PLCG2: variants seen among roughly 807,000 people sequenced by gnomAD.
PLCG2 encodes the protein 1-phosphatidylinositol 4,5-bisphosphate phosphodiesterase gamma-2.
A neutral mutation model predicts 175.6 loss-of-function variants in PLCG2; 69 were observed. That is an observed-to-expected ratio of 0.39 (90% CI 0.32 to 0.48). The LOEUF (loss-of-function observed/expected upper bound fraction) is 0.48, where lower values mean the gene tolerates loss of function less well. Among genes scored for constraint, PLCG2 ranks in the 20% least tolerant of loss-of-function variants. The pLI is 0.91. For missense variants in PLCG2, 1,798 were observed against 1,650.9 expected (o/e 1.09, Z -1.54); for synonymous variants, 827 against 624.0 (o/e 1.33, Z -4.85).
intron 5 of PLCG2, among the ~76,000 whole-genome samples, chr16:81,860,226 A>G (rs1219143992): frequency 6.8e-6 from 1 of 147,492 alleles, no homozygotes; most frequent in Non-Finnish European, 1.5e-5. Context: ...TTTTTTAAAA[A>G]AAGCAAACGC....
At chr16:81,831,919 C>T (rs1225901114) in intron 2 of PLCG2, among the ~76,000 whole-genome samples, 4 of 152,198 alleles carry the variant, frequency 2.6e-5, no homozygotes, top group Non-Finnish European at 5.9e-5. Flanking sequence ...CAAATGAAGA[C>T]TCATTTGCAC....
chr16:81,899,033 C>A (rs534145658), intron 13 of PLCG2, among the ~76,000 whole-genome samples: 1 of 151,796 alleles, frequency 6.6e-6, no homozygotes, highest in African/African-American at 2.4e-5. Context: ...AGTAAAAATA[C>A]AAAAAATTAA....
At position 81,908,487 on chromosome 16, in the gene PLCG2, C is replaced by T. The variant is rs374641731; in HGVS notation, c.1629C>T (p.Ala543=). 5.7e-5 allele frequency: 92 copies of T among 1,614,046 alleles called. No homozygotes were observed. The highest frequency in any genetic ancestry group is 2.0e-4 in the African/African-American group (15 of 75,022). Residue 543 remains alanine (A), a synonymous_variant, in exon 17 of 33, where the codon GCC becomes GCT. Transcript: ENST00000564138. ...FHKKVEKRTS[A]EKLLQEYCME... ...AGAAGGTGGAGAAGAGGACGAGTGC[C>T]GAGAAGTTGCTGCAGGAATACTGCA...
At chr16:81,751,428 A>C (rs1230507315) in intron 1 of PLCG2, among the ~76,000 whole-genome samples, 1 of 152,182 alleles carries the variant, frequency 6.6e-6, no homozygotes, top group Non-Finnish European at 1.5e-5. Context: ...AAACAGTCAA[A>C]CTCATAGAAG....
intron 20 of PLCG2, 42 bp downstream of exon 20, chr16:81,919,706 C>T: frequency 1.9e-6 from 3 of 1,553,010 alleles, no homozygotes; most frequent in Non-Finnish European, 2.7e-6. Context: ...GATTTCTTGT[C>T]TGAGGTTGTA....
intron 19 of PLCG2, among the ~76,000 whole-genome samples, chr16:81,917,726 A>AT (rs1005038732): frequency 6.6e-6 from 1 of 152,030 alleles, no homozygotes; most frequent in South Asian, 2.1e-4. Context: ...ATTTTTTAAA[A>AT]TTTTTTATTT....
chr16:81,768,811 T>C (rs951518288), intron 2 of PLCG2, among the ~76,000 whole-genome samples: 1 of 152,012 alleles, frequency 6.6e-6, no homozygotes, highest in East Asian at 1.9e-4. Flanking sequence ...AGGTGATTCA[T>C]GCACCTCGGC....
At chr16:81,871,036 C>A in intron 7 of PLCG2, 101 bp downstream of exon 7, 1 of 595,140 alleles carries the variant, frequency 1.7e-6, no homozygotes, top group South Asian at 2.2e-5. Flanking sequence ...TGTTGAATCT[C>A]CATTTTAGTC....
At chr16:81,808,458 C>T (rs539031379) in intron 2 of PLCG2, among the ~76,000 whole-genome samples, 7 of 152,292 alleles carry the variant, frequency 4.6e-5, no homozygotes, top group Admixed American at 2.0e-4. Flanking sequence ...AGTCTCAGCT[C>T]TGCCACCTAC....
chr16:81,743,920 A>G (rs12928438), intron 1 of PLCG2, among the ~76,000 whole-genome samples: 94,596 of 150,592 alleles, frequency 0.63, 29,760 homozygotes, highest in Middle Eastern at 0.66. Context: ...GTGCAGTGGT[A>G]CGATCTTGGC....
At chr16:81,859,824 C>G (rs1476831508) in intron 5 of PLCG2, among the ~76,000 whole-genome samples, 1 of 152,170 alleles carries the variant, frequency 6.6e-6, no homozygotes, top group African/African-American at 2.4e-5. Context: ...GCATGAGCCA[C>G]CGCGCCCGGC....
rs540698133 is a variant in PLCG2 at position 81,959,179 on chromosome 16, A to T, written c.*1181A>T. 4.4e-6 allele frequency: 1 copy of T among 225,330 alleles called. No homozygotes were observed. Among genetic ancestry groups the T allele is most frequent in the East Asian group, 6.4e-5 (1 of 15,652 alleles). The allele number at this position is 225,330 out of a possible 1,614,324, so 14.0% of individuals were successfully genotyped here. On this transcript the variant is annotated 3_prime_UTR_variant, in exon 33 of 33. Transcript: ENST00000564138. ...AATGAGTGAATTTACAGCTGATGGG[A>T]AAAGGAGTGTAACTGTGAAAAACGA...
chr16:81,795,581 C>G (rs549365076), intron 2 of PLCG2, among the ~76,000 whole-genome samples: 9 of 152,168 alleles, frequency 5.9e-5, no homozygotes, highest in African/African-American at 2.2e-4. Context: ...TGGAGGCTAC[C>G]GCAGGATCCT....
intron 2 of PLCG2, among the ~76,000 whole-genome samples, chr16:81,846,243 G>A (rs542596425): frequency 1.3e-5 from 2 of 152,256 alleles, no homozygotes; most frequent in African/African-American, 4.8e-5. Flanking sequence ...AAGAGGACTG[G>A]CCTCCCTTCC....
At chr16:81,942,471 G>C (rs143149504) in intron 30 of PLCG2, among the ~76,000 whole-genome samples, 41 of 152,310 alleles carry the variant, frequency 2.7e-4, no homozygotes, top group Middle Eastern at 6.8e-3. Flanking sequence ...TGGGAGGAAT[G>C]AAATAGAATG....
At chr16:81,879,262 A>C (rs888324844) in intron 7 of PLCG2, among the ~76,000 whole-genome samples, 2 of 152,200 alleles carry the variant, frequency 1.3e-5, no homozygotes, top group Admixed American at 1.3e-4. Flanking sequence ...CTTCAGCAGC[A>C]GGCTGACTTG....
intron 1 of PLCG2, among the ~76,000 whole-genome samples, chr16:81,741,000 C>G (rs1439457072): frequency 6.6e-6 from 1 of 152,198 alleles, no homozygotes; most frequent in African/African-American, 2.4e-5. Context: ...GAGTTCTAAT[C>G]CATGCACCCT....
chr16:81,845,262 A>G (rs73590842), intron 2 of PLCG2, among the ~76,000 whole-genome samples: 1 of 152,282 alleles, frequency 6.6e-6, no homozygotes, highest in South Asian at 2.1e-4. Flanking sequence ...CTTATGCCTT[A>G]TATGTGTCCA....
intron 9 of PLCG2, among the ~76,000 whole-genome samples, chr16:81,887,352 C>T (rs973821562): frequency 2.6e-5 from 4 of 152,162 alleles, no homozygotes; most frequent in African/African-American, 7.2e-5. Context: ...ATCTCCTGAC[C>T]TCATGATCCG....
Sources: gnomAD v4.1 joint callset for allele counts (sites outside exome capture counted in the v4.1 genomes callset) on GRCh38, gnomAD v4.1.1 for gene constraint, MANE v1.5 for transcripts, NCBI Gene and HGNC (gene_info 2026-07-23, HGNC 2026-07-21) for gene names.